CHM: variants seen among roughly 807,000 people sequenced by gnomAD.
CHM encodes the protein rab proteins geranylgeranyltransferase component A 1.
A neutral mutation model predicts 49.0 loss-of-function variants in CHM; 10 were observed. That is an observed-to-expected ratio of 0.20 (90% CI 0.13 to 0.35). The LOEUF (loss-of-function observed/expected upper bound fraction) is 0.35, where lower values mean the gene tolerates loss of function less well. Among genes scored for constraint, CHM ranks in the 10% least tolerant of loss-of-function variants. The probability of loss-of-function intolerance (pLI) is 1.00; values close to 1 mark genes in which losing one functional copy is unlikely to be tolerated. For missense variants in CHM, 455 were observed against 478.4 expected (o/e 0.95, Z 0.46); for synonymous variants, 184 against 167.5 (o/e 1.10, Z -0.76).
At chrX:85,980,062 A>G (rs1931510039) in intron 3 of CHM, among the ~76,000 whole-genome samples, 1 of 111,958 alleles carries the variant, frequency 8.9e-6, no homozygotes, top group African/African-American at 3.2e-5. Flanking sequence ...AATCATTAAA[A>G]TAAACTAAAC....
At chrX:85,866,698 C>T (rs1319698153) in intron 14 of CHM, among the ~76,000 whole-genome samples, 1 of 113,228 alleles carries the variant, frequency 8.8e-6, no homozygotes, top group African/African-American at 3.2e-5. Flanking sequence ...AGGGTTGGAA[C>T]TGCCCAAGGC....
At chrX:86,023,814 C>CA (rs897223025) in intron 2 of CHM, among the ~76,000 whole-genome samples, 57 of 103,191 alleles carry the variant, frequency 5.5e-4, no homozygotes, top group Middle Eastern at 4.9e-3. Context: ...TAACCATTAA[C>CA]AAAAAAAAAA....
intron 1 of CHM, among the ~76,000 whole-genome samples, chrX:86,028,448 C>T (rs1250923848): frequency 9.0e-6 from 1 of 111,698 alleles, no homozygotes; most frequent in African/African-American, 3.3e-5. Flanking sequence ...TAGAAAGGGG[C>T]TGCTTACAAG....
At chrX:85,882,707 C>T (rs1924837266) in intron 12 of CHM, among the ~76,000 whole-genome samples, 1 of 111,842 alleles carries the variant, frequency 8.9e-6, no homozygotes, top group South Asian at 3.7e-4. Flanking sequence ...GAAATAACAA[C>T]ACACTTTCAG....
intron 2 of CHM, among the ~76,000 whole-genome samples, chrX:85,985,966 C>G (rs1931880847): frequency 9.0e-6 from 1 of 111,595 alleles, no homozygotes; most frequent in Non-Finnish European, 1.9e-5. Flanking sequence ...ACAGAGCCCC[C>G]AGGAGCAACT....
In CHM at chrX:85,873,150, A is replaced by T. The variant is rs1346298484; in HGVS notation, c.1672T>A (p.Ser558Thr). 3.3e-6 allele frequency: 4 copies of T among 1,204,919 alleles called. No individual in the cohort carries two copies. The highest frequency in any genetic ancestry group is 3.4e-6 in the Non-Finnish European group (3 of 891,360). ...TTATAACAGCTCCTGCTGATGTCTG[A>T]CGAATCTCTCATATTGAAGTAAAGA... ...WALYFNMRDS[S>T]DISRSCYNDL... Residue 558 changes from serine to threonine, a missense_variant, in exon 14 of 15, where the codon TCA becomes ACA. Ser to Thr is a moderately conservative substitution (Grantham distance 58). Transcript: ENST00000357749.
intron 2 of CHM, among the ~76,000 whole-genome samples, chrX:85,989,715 C>T (rs1932086558): frequency 9.6e-6 from 1 of 104,454 alleles, no homozygotes; most frequent in African/African-American, 3.4e-5. Flanking sequence ...AGAAAACATA[C>T]ATGTAGTCAA....
At chrX:86,040,729 G>A (rs1295386564) in intron 1 of CHM, among the ~76,000 whole-genome samples, 1 of 111,630 alleles carries the variant, frequency 9.0e-6, no homozygotes, top group East Asian at 2.8e-4. Flanking sequence ...TAACATGCTA[G>A]CTCTCATAAT....
At chrX:86,002,439 G>A (rs1417185317) in intron 2 of CHM, among the ~76,000 whole-genome samples, 1 of 111,583 alleles carries the variant, frequency 9.0e-6, no homozygotes, top group Non-Finnish European at 1.9e-5. Context: ...ACTGTTCCAA[G>A]ATGGCCGAAT....
chrX:85,996,827 G>A (rs1932459430), intron 2 of CHM, among the ~76,000 whole-genome samples: 1 of 111,608 alleles, frequency 9.0e-6, no homozygotes, highest in African/African-American at 3.3e-5. Context: ...GCCAGATGAA[G>A]GTATGAGTGG....
chrX:85,862,501 G>A lies in CHM; in HGVS notation c.*2129C>T, dbSNP rs1923411370. 1 of 112,086 alleles carries A rather than the reference G, an allele frequency of 8.9e-6. No homozygotes were observed. Among genetic ancestry groups the A allele is most frequent in the East Asian group, 2.8e-4 (1 of 3,572 alleles). The allele number at this position is 112,086 out of a possible 1,213,427, so 9.2% of individuals were successfully genotyped here. A position where few individuals can be genotyped will look rare whatever the true frequency, so the allele number is the denominator to read the frequency against. ...TTAGACATTGAGTGCATATGCCCCA[G>A]CTGGGTTTCAGGAAACATGATTTGA... On this transcript the variant is annotated 3_prime_UTR_variant, in exon 15 of 15. Coordinates refer to ENST00000357749, the MANE Select transcript of CHM (RefSeq NM_000390.4).
At chrX:85,934,573 T>C (rs1373291128) in intron 8 of CHM, among the ~76,000 whole-genome samples, 3 of 108,837 alleles carry the variant, frequency 2.8e-5, no homozygotes, top group African/African-American at 1.0e-4. Flanking sequence ...CTCAGAATGA[T>C]GGTTTCCAGC....
chrX:85,886,612 G>T (rs934698588), intron 12 of CHM, among the ~76,000 whole-genome samples: 3 of 111,111 alleles, frequency 2.7e-5, no homozygotes, highest in African/African-American at 6.5e-5. Context: ...CAATAGAAAA[G>T]AAAAAGGTGG....
chrX:85,996,865 A>G (rs1371558248), intron 2 of CHM, among the ~76,000 whole-genome samples: 3 of 111,766 alleles, frequency 2.7e-5, no homozygotes, highest in Non-Finnish European at 1.9e-5. Flanking sequence ...CCAGACTCAT[A>G]TGAAAATTGT....
At chrX:86,017,616 G>A (rs1354990880) in intron 2 of CHM, among the ~76,000 whole-genome samples, 1 of 111,605 alleles carries the variant, frequency 9.0e-6, no homozygotes, top group East Asian at 2.8e-4. Flanking sequence ...GGAACTGTAA[G>A]TCCAATTAAA....
At chrX:85,892,340 T>G (rs1226406630) in intron 12 of CHM, among the ~76,000 whole-genome samples, 1 of 111,181 alleles carries the variant, frequency 9.0e-6, no homozygotes, top group Non-Finnish European at 1.9e-5. Flanking sequence ...TCAACTTGAA[T>G]TGTATCTCCC....
At chrX:86,003,375 C>T (rs145474446) in intron 2 of CHM, among the ~76,000 whole-genome samples, 29,645 of 111,411 alleles carry the variant, frequency 0.27, 3,440 homozygotes, top group Admixed American at 0.39. Context: ...TGCAGCTCCT[C>T]GCCAGCAATG....
At chrX:85,949,298 T>C (rs1363498074) in intron 8 of CHM, among the ~76,000 whole-genome samples, 2 of 112,290 alleles carry the variant, frequency 1.8e-5, no homozygotes, top group Non-Finnish European at 3.8e-5. Flanking sequence ...CAAAATGCAT[T>C]TTTTAATGTA....
intron 2 of CHM, among the ~76,000 whole-genome samples, chrX:86,005,205 T>C (rs1932826887): frequency 8.9e-6 from 1 of 112,003 alleles, no homozygotes; most frequent in Admixed American, 9.5e-5. Context: ...AACATGTTCT[T>C]TGAAACCAAT....
Sources: gnomAD v4.1 joint callset for allele counts (sites outside exome capture counted in the v4.1 genomes callset) on GRCh38, gnomAD v4.1.1 for gene constraint, MANE v1.5 for transcripts, NCBI Gene and HGNC (gene_info 2026-07-23, HGNC 2026-07-21) for gene names.